ADCY2: variants seen among roughly 807,000 people sequenced by gnomAD.
ADCY2 encodes the protein adenylate cyclase 2, also known as adenylate cyclase type 2.
Under a neutral mutation model 125.2 loss-of-function variants are expected in ADCY2, and 31 were observed. The ratio of observed to expected loss-of-function variants is 0.25; its 90% CI spans 0.19 to 0.33. The LOEUF (loss-of-function observed/expected upper bound fraction) is 0.33, where lower values mean the gene tolerates loss of function less well. ADCY2 is among the 10% of genes least tolerant of loss of function. The pLI is 1.00. For synonymous variants in ADCY2, 512 were observed against 548.4 expected (o/e 0.93, Z 0.93); for missense variants, 904 against 1,418.2 (o/e 0.64, Z 5.82).
chr5:7,601,728 C>G (rs1291061411), intron 3 of ADCY2, among the ~76,000 whole-genome samples: 1 of 152,188 alleles, frequency 6.6e-6, no homozygotes, highest in Admixed American at 6.5e-5. Flanking sequence ...GTTCCAAGCA[C>G]CCCATTCTCT....
intron 13 of ADCY2, 97 bp from the exon 14 acceptor site, chr5:7,727,067 G>A (rs527404626): frequency 3.6e-6 from 3 of 837,456 alleles, no homozygotes; most frequent in Admixed American, 2.5e-5. Context: ...CAATTTCTGA[G>A]TGTGGTGCAT....
At chr5:7,704,721 AC>A (rs2126346699) in intron 7 of ADCY2, among the ~76,000 whole-genome samples, 1 of 152,108 alleles carries the variant, frequency 6.6e-6, no homozygotes, top group South Asian at 2.1e-4. Context: ...CTACCAAAAA[AC>A]AAAAAATTAG....
intron 2 of ADCY2, among the ~76,000 whole-genome samples, chr5:7,456,652 T>C (rs1223166058): frequency 6.6e-6 from 1 of 152,208 alleles, no homozygotes; most frequent in Non-Finnish European, 1.5e-5. Context: ...TCCTATTCTT[T>C]ACACTGTTTT....
chr5:7,789,103 G>A (rs1744173040), intron 19 of ADCY2, among the ~76,000 whole-genome samples: 1 of 152,186 alleles, frequency 6.6e-6, no homozygotes. Flanking sequence ...TAAATGTAAC[G>A]AATGGCATTC....
At chr5:7,444,827 G>A (rs568135907) in intron 2 of ADCY2, among the ~76,000 whole-genome samples, 3 of 152,260 alleles carry the variant, frequency 2.0e-5, no homozygotes, top group African/African-American at 7.2e-5. Flanking sequence ...ACATCCCAAG[G>A]CAGATTTGAT....
In ADCY2 at chr5:7,656,208, C is replaced by T. The variant is rs181675849; in HGVS notation, c.720+29892C>T. Among the ~76,000 whole-genome samples, 459 of 152,240 alleles carry T rather than the reference C, an allele frequency of 3.0e-3. 1 individual carries two copies. Among genetic ancestry groups the T allele is most frequent in the Admixed American group, 5.7e-3 (87 of 15,286 alleles). On this transcript the variant is annotated intron_variant, in intron 4 of 24. Coordinates refer to ENST00000338316, the MANE Select transcript of ADCY2 (RefSeq NM_020546.3). ...TAACTGGGATTACAGGCATGTGCCACCATGCCCAGCTGATTTTGTATTTTT... is the reference window on the plus strand; with the variant it reads ...TAACTGGGATTACAGGCATGTGCCATCATGCCCAGCTGATTTTGTATTTTT...
chr5:7,573,098 G>A (rs1053523923), intron 3 of ADCY2, among the ~76,000 whole-genome samples: 1 of 152,144 alleles, frequency 6.6e-6, no homozygotes, highest in Non-Finnish European at 1.5e-5. Flanking sequence ...AAGGAGAGAG[G>A]CCCTAGAAGA....
intron 3 of ADCY2, among the ~76,000 whole-genome samples, chr5:7,588,234 A>G (rs1185970825): frequency 6.6e-6 from 1 of 152,180 alleles, no homozygotes; most frequent in Non-Finnish European, 1.5e-5. Context: ...AATGAGAAAA[A>G]TAGAAAACAT....
intron 3 of ADCY2, among the ~76,000 whole-genome samples, chr5:7,586,304 A>G (rs1736622342): frequency 6.6e-6 from 1 of 152,172 alleles, no homozygotes; most frequent in South Asian, 2.1e-4. Context: ...AAAAAATTAT[A>G]CTAAATTATT....
intron 14 of ADCY2, among the ~76,000 whole-genome samples, chr5:7,736,038 G>A (rs1292533249): frequency 6.6e-6 from 1 of 152,060 alleles, no homozygotes; most frequent in Non-Finnish European, 1.5e-5. Flanking sequence ...GGGCAAAGGG[G>A]CAAAACCCCC....
At chr5:7,761,244 G>C (rs1385421776) in intron 16 of ADCY2, among the ~76,000 whole-genome samples, 9 of 137,158 alleles carry the variant, frequency 6.6e-5, no homozygotes, top group Non-Finnish European at 1.1e-4. Flanking sequence ...CTGCTTCCCA[G>C]GTTCAAATGA....
chr5:7,609,453 G>A (rs1233719802), intron 3 of ADCY2, among the ~76,000 whole-genome samples: 1 of 152,174 alleles, frequency 6.6e-6, no homozygotes, highest in Non-Finnish European at 1.5e-5. Flanking sequence ...ATGAAAGAAT[G>A]TATTTTTGTT....
At chr5:7,628,584 AAGTG>A (rs1225986919) in intron 4 of ADCY2, among the ~76,000 whole-genome samples, 1 of 152,192 alleles carries the variant, frequency 6.6e-6, no homozygotes, top group East Asian at 1.9e-4. Context: ...AAAATAAAGA[AAGTG>A]AGAAGGGACA....
intron 3 of ADCY2, among the ~76,000 whole-genome samples, chr5:7,534,648 C>T (rs1553244): frequency 0.44 from 67,653 of 152,094 alleles, 16,746 homozygotes; most frequent in South Asian, 0.57. Flanking sequence ...TTTAAGGACT[C>T]ATGCAGCTCA....
intron 3 of ADCY2, among the ~76,000 whole-genome samples, chr5:7,545,783 T>G (rs1197964346): frequency 6.6e-6 from 1 of 152,158 alleles, no homozygotes; most frequent in African/African-American, 2.4e-5. Flanking sequence ...TTTTGCTTCT[T>G]CCTTCTTTCC....
At chr5:7,791,964 G>A (rs971130523) in intron 20 of ADCY2, among the ~76,000 whole-genome samples, 19 of 152,054 alleles carry the variant, frequency 1.2e-4, no homozygotes, top group Admixed American at 3.9e-4. Flanking sequence ...AGAGAGGAAC[G>A]GGGAGAGAAC....
intron 4 of ADCY2, among the ~76,000 whole-genome samples, chr5:7,650,365 C>G (rs1483166823): frequency 6.6e-6 from 1 of 152,146 alleles, no homozygotes; most frequent in Non-Finnish European, 1.5e-5. Flanking sequence ...TGGTGTATGA[C>G]AGCTGCCATT....
intron 4 of ADCY2, chr5:7,657,994 C>A (rs2126689383): frequency 6.6e-6 from 1 of 152,406 alleles, no homozygotes; most frequent in East Asian, 1.9e-4. Context: ...GACCCAGACC[C>A]CCAGGTGCAG....
At chr5:7,667,210 G>A (rs1739786809) in intron 4 of ADCY2, among the ~76,000 whole-genome samples, 2 of 152,142 alleles carry the variant, frequency 1.3e-5, no homozygotes, top group Non-Finnish European at 2.9e-5. Context: ...GAGGGAAAGT[G>A]CAAGAGTAAA....
Sources: allele counts gnomAD v4.1 joint callset (sites outside exome capture counted in the v4.1 genomes callset), GRCh38; gene constraint gnomAD v4.1.1; transcripts MANE v1.5; gene names NCBI Gene and HGNC (gene_info 2026-07-23, HGNC 2026-07-21).